The following SNTB1 variants were observed in gnomAD, a reference collection of about 807,000 sequenced individuals.
SNTB1 encodes the protein syntrophin beta 1, also known as beta-1-syntrophin.
SNTB1 carries 36 observed loss-of-function variants against 48.9 expected under a neutral mutation model. The ratio of observed to expected loss-of-function variants is 0.74; its 90% confidence interval spans 0.56 to 0.97. SNTB1 has a LOEUF of 0.97. SNTB1 is among the 50% of genes least tolerant of loss of function. SNTB1 has a pLI of 0.00. For missense variants in SNTB1, 786 were observed against 703.4 expected, an observed-to-expected ratio of 1.12 and a Z score of -1.33; for synonymous variants, 299 against 294.6, an observed-to-expected ratio of 1.01 and a Z score of -0.15.
At chr8:120,767,792 G>A (rs771378023) in intron 1 of SNTB1, among the ~76,000 whole-genome samples, 3 of 152,132 alleles carry the variant, frequency 2.0e-5, no homozygotes, top group African/African-American at 4.8e-5. Context: ...TATTATGCTC[G>A]GTTGTTTCTT....
chr8:120,547,736 C>G (rs1410987940), intron 5 of SNTB1, among the ~76,000 whole-genome samples: 1 of 152,160 alleles, frequency 6.6e-6, no homozygotes, highest in Non-Finnish European at 1.5e-5. Context: ...ATTTCTACCA[C>G]CGACTTGCCC....
chr8:120,643,786 T>G (rs1817235767), intron 2 of SNTB1, among the ~76,000 whole-genome samples: 1 of 152,204 alleles, frequency 6.6e-6, no homozygotes, highest in African/African-American at 2.4e-5. Flanking sequence ...GACCCAGTCA[T>G]GGGATTGCTG....
intron 1 of SNTB1, among the ~76,000 whole-genome samples, chr8:120,800,408 G>T (rs1190460399): frequency 6.6e-6 from 1 of 152,074 alleles, no homozygotes; most frequent in Non-Finnish European, 1.5e-5. Context: ...AGAGATTAAA[G>T]ACATTTTCAG....
intron 4 of SNTB1, among the ~76,000 whole-genome samples, chr8:120,551,725 C>CAA (rs764008790): frequency 0.028 from 1,174 of 42,462 alleles, 47 homozygotes; most frequent in Non-Finnish European, 0.033. Flanking sequence ...GACTCCATCT[C>CAA]AAAAAAAAAA....
intron 3 of SNTB1, among the ~76,000 whole-genome samples, chr8:120,623,932 TTTTGTTTG>T (rs1203403200): frequency 6.6e-6 from 1 of 152,024 alleles, no homozygotes; most frequent in Non-Finnish European, 1.5e-5. Context: ...CTGGGTAATT[TTTTGTTTG>T]TTTGTTTGTT....
In SNTB1 at chr8:120,573,592, T is replaced by C. The variant is rs374668124; in HGVS notation, c.1136+1494A>G. ...TTTGTTGCCTGTGCTATAGGTGTCA[T>C]ATACAATAAATCATTGCCAAGGCCA... is the stretch of plus-strand genomic sequence containing the variant. On this transcript the variant is annotated intron_variant, in intron 4 of 6. Coordinates refer to ENST00000517992, the MANE Select transcript of SNTB1 (RefSeq NM_021021.4). Among the ~76,000 whole-genome samples, 9 of 152,364 alleles carry C rather than the reference T, an allele frequency of 5.9e-5. 1 individual carries two copies. In the East Asian group the frequency reaches 7.7e-4, roughly 13 times the overall value.
chr8:120,650,096 C>T (rs554625434), intron 2 of SNTB1, among the ~76,000 whole-genome samples: 1 of 152,328 alleles, frequency 6.6e-6, no homozygotes, highest in African/African-American at 2.4e-5. Flanking sequence ...GAACCCAGTA[C>T]CTCAGATGGA....
At position 120,552,698 on chromosome 8, in the gene SNTB1, C is replaced by T. The variant is rs192588606; in HGVS notation, c.1137-3740G>A. On this transcript the variant is annotated intron_variant, in intron 4 of 6. Transcript: ENST00000517992. ...CTTTTTGGCACCAGGGACTGGTTTC[C>T]CCACCTTTTGGGATGAGATGGGGAA... Among the ~76,000 whole-genome samples the T allele has an allele frequency of 1.3e-3, 202 of 152,200 alleles. 2 individuals carry two copies. The highest frequency in any genetic ancestry group is 6.5e-3 in the Admixed American group (100 of 15,286).
chr8:120,566,440 C>T (rs757184087), intron 4 of SNTB1, among the ~76,000 whole-genome samples: 8 of 151,866 alleles, frequency 5.3e-5, no homozygotes, highest in East Asian at 1.9e-4. Context: ...TCTATGGAAC[C>T]GAGAACACGA....
intron 3 of SNTB1, among the ~76,000 whole-genome samples, chr8:120,590,841 C>T (rs1335711211): frequency 1.3e-5 from 2 of 151,940 alleles, no homozygotes; most frequent in Non-Finnish European, 2.9e-5. Context: ...CATGCACCAC[C>T]GTGCCTGGCT....
intron 2 of SNTB1, chr8:120,654,872 A>T (rs1817472506): frequency 4.8e-6 from 2 of 413,706 alleles, no homozygotes; most frequent in Non-Finnish European, 9.4e-6. Flanking sequence ...CAAAAGTTTC[A>T]AGTGACCTTT....
intron 4 of SNTB1, among the ~76,000 whole-genome samples, chr8:120,554,106 G>C (rs139504595): frequency 2.0e-5 from 3 of 152,128 alleles, no homozygotes; most frequent in Non-Finnish European, 4.4e-5. Flanking sequence ...ATCGATTCCC[G>C]GGGAGGTCCA....
intron 2 of SNTB1, among the ~76,000 whole-genome samples, chr8:120,684,626 A>G (rs1587087573): frequency 6.6e-6 from 1 of 151,238 alleles, no homozygotes; most frequent in East Asian, 1.9e-4. Flanking sequence ...GGTCTTGACC[A>G]AATCTATACC....
intron 2 of SNTB1, among the ~76,000 whole-genome samples, chr8:120,671,829 G>A (rs1817762546): frequency 6.6e-6 from 1 of 152,208 alleles, no homozygotes; most frequent in African/African-American, 2.4e-5. Context: ...TTTGAGAGGA[G>A]AACCAAGTGG....
At chr8:120,571,944 A>C (rs1208934967) in intron 4 of SNTB1, among the ~76,000 whole-genome samples, 1 of 152,070 alleles carries the variant, frequency 6.6e-6, no homozygotes, top group Non-Finnish European at 1.5e-5. Context: ...TCACCCCTGA[A>C]AACCTCCTCT....
At chr8:120,626,583 TG>T (rs1195293185) in intron 3 of SNTB1, among the ~76,000 whole-genome samples, 1 of 152,216 alleles carries the variant, frequency 6.6e-6, no homozygotes. Context: ...TAGACCTTTT[TG>T]TCTTCTCCTC....
chr8:120,728,823 T>C (rs1293486171), intron 1 of SNTB1, among the ~76,000 whole-genome samples: 1 of 152,230 alleles, frequency 6.6e-6, no homozygotes, highest in African/African-American at 2.4e-5. Context: ...GTCTTTTTGG[T>C]AGAACATTTT....
chr8:120,624,108 T>C (rs1816834954), intron 3 of SNTB1, among the ~76,000 whole-genome samples: 1 of 152,168 alleles, frequency 6.6e-6, no homozygotes, highest in African/African-American at 2.4e-5. Context: ...TGGCTAATTT[T>C]TGTATTTTTA....
At chr8:120,808,452 G>A (rs1820372465) in intron 1 of SNTB1, among the ~76,000 whole-genome samples, 1 of 152,124 alleles carries the variant, frequency 6.6e-6, no homozygotes, top group African/African-American at 2.4e-5. Context: ...CAAAAAAAGT[G>A]TTATAAAAAT....
Sources: allele counts gnomAD v4.1 joint callset (sites outside exome capture counted in the v4.1 genomes callset), GRCh38; gene constraint gnomAD v4.1.1; transcripts MANE v1.5; gene names NCBI Gene and HGNC (gene_info 2026-07-23, HGNC 2026-07-21).